The following DCC variants were observed in gnomAD, a reference collection of about 807,000 sequenced individuals.
DCC encodes the protein netrin receptor DCC.
DCC carries 58 observed loss-of-function variants against 172.5 expected under a neutral mutation model. The ratio of observed to expected loss-of-function variants is 0.34; its 90% CI spans 0.27 to 0.42. The LOEUF (loss-of-function observed/expected upper bound fraction) is 0.42. DCC is among the 10% of genes least tolerant of loss of function. DCC has a pLI of 1.00. For synonymous variants in DCC, 709 were observed against 644.5 expected, an observed-to-expected ratio of 1.10 and a Z score of -1.52; for missense variants, 1,740 against 1,791.0, an observed-to-expected ratio of 0.97 and a Z score of 0.51.
chr18:52,371,050 A>C (rs1249482189), intron 1 of DCC, among the ~76,000 whole-genome samples: 2 of 152,230 alleles, frequency 1.3e-5, no homozygotes, highest in Non-Finnish European at 2.9e-5. Flanking sequence ...TCCATTACAA[A>C]GAGAACTCTT....
At chr18:52,859,213 G>C (rs1456816546) in intron 2 of DCC, among the ~76,000 whole-genome samples, 4 of 152,160 alleles carry the variant, frequency 2.6e-5, no homozygotes, top group Non-Finnish European at 5.9e-5. Context: ...AAAACTAGTT[G>C]TTATGAGAGC....
chr18:52,474,788 C>G (rs1989047187), intron 1 of DCC, among the ~76,000 whole-genome samples: 2 of 152,314 alleles, frequency 1.3e-5, no homozygotes, highest in Middle Eastern at 3.4e-3. Context: ...CCTCCTGTAT[C>G]ATAATGGTTT....
chr18:52,521,867 G>A (rs539781803), intron 1 of DCC, among the ~76,000 whole-genome samples: 1 of 152,192 alleles, frequency 6.6e-6, no homozygotes, highest in East Asian at 1.9e-4. Flanking sequence ...TGCCTCTCCA[G>A]CCAAAGCAAA....
chr18:53,396,169 G>A (rs1283435341), intron 17 of DCC, among the ~76,000 whole-genome samples: 1 of 151,664 alleles, frequency 6.6e-6, no homozygotes, highest in African/African-American at 2.4e-5. Flanking sequence ...GATATGAGTG[G>A]GGGAAAAGAG....
At chr18:52,939,054 A>G (rs1386780078) in intron 5 of DCC, among the ~76,000 whole-genome samples, 2 of 152,152 alleles carry the variant, frequency 1.3e-5, no homozygotes, top group African/African-American at 2.4e-5. Context: ...AGACTAAACT[A>G]CAATCTCTCT....
intron 5 of DCC, among the ~76,000 whole-genome samples, chr18:53,012,244 A>G (rs2041741072): frequency 6.6e-6 from 1 of 152,008 alleles, no homozygotes; most frequent in Admixed American, 6.6e-5. Context: ...GAAGGTATTC[A>G]TAGGAGCTTT....
chr18:52,825,691 A>T (rs1269912325), intron 2 of DCC, among the ~76,000 whole-genome samples: 2 of 60,990 alleles, frequency 3.3e-5, no homozygotes, highest in African/African-American at 1.4e-4. Flanking sequence ...GGTTTGTTTT[A>T]AAAAAATCAC....
At chr18:52,542,687 A>C (rs552307096) in intron 1 of DCC, among the ~76,000 whole-genome samples, 1 of 152,140 alleles carries the variant, frequency 6.6e-6, no homozygotes, top group African/African-American at 2.4e-5. Flanking sequence ...ACTACAAAAA[A>C]ATTTAGCTGG....
At chr18:52,528,664 G>T (rs779734504) in intron 1 of DCC, among the ~76,000 whole-genome samples, 1 of 151,932 alleles carries the variant, frequency 6.6e-6, no homozygotes, top group Non-Finnish European at 1.5e-5. Context: ...TCATCAGGGA[G>T]ATAGCACAAC....
intron 1 of DCC, among the ~76,000 whole-genome samples, chr18:52,695,864 T>C (rs1013768110): frequency 6.6e-6 from 1 of 152,168 alleles, no homozygotes; most frequent in African/African-American, 2.4e-5. Context: ...TTTGTGGCCA[T>C]GAGAAAGGAG....
At chr18:52,710,318 C>G (rs1404766917) in intron 1 of DCC, among the ~76,000 whole-genome samples, 1 of 152,200 alleles carries the variant, frequency 6.6e-6, no homozygotes, top group Admixed American at 6.5e-5. Context: ...CTGCAGTGAG[C>G]TATGCTCATG....
At chr18:53,356,779 G>A (rs2057883120) in intron 15 of DCC, among the ~76,000 whole-genome samples, 2 of 152,078 alleles carry the variant, frequency 1.3e-5, no homozygotes, top group South Asian at 4.2e-4. Flanking sequence ...TGTTCTCTGT[G>A]GTATTCTTCC....
intron 5 of DCC, among the ~76,000 whole-genome samples, chr18:52,943,691 G>C (rs1166132317): frequency 6.6e-6 from 1 of 151,796 alleles, no homozygotes; most frequent in Non-Finnish European, 1.5e-5. Context: ...AGGATATTCT[G>C]AGTTTATGTT....
intron 15 of DCC, among the ~76,000 whole-genome samples, chr18:53,376,641 G>A (rs1907308867): frequency 6.6e-6 from 1 of 152,102 alleles, no homozygotes; most frequent in South Asian, 2.1e-4. Context: ...GCTTTCCTGA[G>A]CTCCAAAGAA....
chr18:53,167,815 G>T (rs1210174884), intron 8 of DCC, among the ~76,000 whole-genome samples: 1 of 152,158 alleles, frequency 6.6e-6, no homozygotes, highest in Non-Finnish European at 1.5e-5. Flanking sequence ...ACAAAAGAGA[G>T]CATTTAATGG....
At chr18:52,805,214 C>A (rs1269096977) in intron 2 of DCC, among the ~76,000 whole-genome samples, 1 of 152,100 alleles carries the variant, frequency 6.6e-6, no homozygotes, top group East Asian at 1.9e-4. Flanking sequence ...TCTCTCTGTG[C>A]CTTTCAACGC....
intron 1 of DCC, among the ~76,000 whole-genome samples, chr18:52,438,610 A>G (rs192033228): frequency 3.9e-4 from 60 of 152,364 alleles, no homozygotes; most frequent in Non-Finnish European, 6.3e-4. Flanking sequence ...TATAAACAAG[A>G]AACTCTTTAA....
intron 7 of DCC, among the ~76,000 whole-genome samples, chr18:53,110,346 A>T (rs1424681530): frequency 6.6e-6 from 1 of 151,718 alleles, no homozygotes; most frequent in Non-Finnish European, 1.5e-5. Context: ...GGTATATTAA[A>T]CGACTGTTCC....
chr18:53,386,487 A>G (rs1908176486), intron 16 of DCC, among the ~76,000 whole-genome samples: 1 of 152,148 alleles, frequency 6.6e-6, no homozygotes, highest in African/African-American at 2.4e-5. Flanking sequence ...AGTTTGTCTC[A>G]AATCAATGCC....
Sources: gnomAD v4.1 joint callset for allele counts (sites outside exome capture counted in the v4.1 genomes callset) on GRCh38, gnomAD v4.1.1 for gene constraint, MANE v1.5 for transcripts, NCBI Gene and HGNC (gene_info 2026-07-23, HGNC 2026-07-21) for gene names.